The following AFF3 variants were observed in gnomAD, a reference collection of about 807,000 sequenced individuals.
AFF3 encodes ALF transcription elongation factor 3, also known as AF4/FMR2 family member 3.
Under a neutral mutation model 129.7 loss-of-function variants are expected in AFF3, and 32 were observed. The ratio of observed to expected loss-of-function variants is 0.25; its 90% confidence interval spans 0.19 to 0.33. The LOEUF is 0.33. Among genes scored for constraint, AFF3 ranks in the 10% least tolerant of loss-of-function variants. The probability of loss-of-function intolerance (pLI) is 1.00; values close to 1 mark genes in which losing one functional copy is unlikely to be tolerated. For missense variants in AFF3, 1,373 were observed against 1,592.0 expected (o/e 0.86, Z 2.34); for synonymous variants, 644 against 635.4 (o/e 1.01, Z -0.20).
At chr2:99,637,471 T>C (rs1683772801) in intron 13 of AFF3, among the ~76,000 whole-genome samples, 1 of 152,200 alleles carries the variant, frequency 6.6e-6, no homozygotes, top group Non-Finnish European at 1.5e-5. Context: ...TTGTTGCGTT[T>C]GGATTGCTTT....
At chr2:99,977,207 T>C (rs1217942090) in intron 7 of AFF3, among the ~76,000 whole-genome samples, 1 of 152,170 alleles carries the variant, frequency 6.6e-6, no homozygotes, top group African/African-American at 2.4e-5. Context: ...CGTGTGAATC[T>C]ATGGGTTTGA....
intron 13 of AFF3, among the ~76,000 whole-genome samples, chr2:99,631,683 C>T (rs1683131133): frequency 6.6e-6 from 1 of 152,196 alleles, no homozygotes; most frequent in African/African-American, 2.4e-5. Flanking sequence ...GTGGTAGAAT[C>T]TCCTTCTTTT....
chr2:99,618,296 C>T (rs141926312), intron 13 of AFF3, among the ~76,000 whole-genome samples: 2,708 of 124,782 alleles, frequency 0.022, 86 homozygotes, highest in African/African-American at 0.08. Context: ...AGTACAGTGG[C>T]GCTATCTTGG....
intron 16 of AFF3, among the ~76,000 whole-genome samples, chr2:99,584,436 T>G (rs1244797426): frequency 6.6e-6 from 1 of 152,220 alleles, no homozygotes; most frequent in Admixed American, 6.5e-5. Context: ...GCCACTGCAC[T>G]CCAGCATGGG....
intron 4 of AFF3, among the ~76,000 whole-genome samples, chr2:100,026,115 C>T (rs933885768): frequency 1.3e-5 from 2 of 152,078 alleles, no homozygotes; most frequent in Admixed American, 6.5e-5. Flanking sequence ...AACAGACAAC[C>T]CACAGAGTGG....
intron 7 of AFF3, among the ~76,000 whole-genome samples, chr2:99,916,405 C>A (rs953918042): frequency 6.6e-5 from 10 of 152,036 alleles, no homozygotes; most frequent in African/African-American, 2.4e-4. Flanking sequence ...GAATTTGAGC[C>A]CTGGGAGGTC....
intron 7 of AFF3, among the ~76,000 whole-genome samples, chr2:99,910,299 AT>A (rs1228591908): frequency 6.6e-6 from 1 of 152,194 alleles, no homozygotes. Context: ...GGTAGTTAGC[AT>A]TTTTATTGCT....
At chr2:99,654,232 C>T (rs12712054) in intron 12 of AFF3, among the ~76,000 whole-genome samples, 128,941 of 152,242 alleles carry the variant, frequency 0.85, 54,669 homozygotes, top group East Asian at 0.93. Context: ...AATTTGCAGT[C>T]ACTCTACATC....
At chr2:100,047,431 C>T (rs986723401) in intron 4 of AFF3, among the ~76,000 whole-genome samples, 6 of 152,190 alleles carry the variant, frequency 3.9e-5, no homozygotes, top group East Asian at 1.9e-4. Flanking sequence ...TTCCAGAACT[C>T]GGTAAATGCT....
At chr2:100,016,683 G>A (rs1185378274) in intron 4 of AFF3, among the ~76,000 whole-genome samples, 1 of 150,404 alleles carries the variant, frequency 6.6e-6, no homozygotes, top group Non-Finnish European at 1.5e-5. Context: ...GGTACTGGCA[G>A]TGATGGTGGT....
At chr2:99,864,068 A>G (rs747810591) in intron 7 of AFF3, among the ~76,000 whole-genome samples, 14 of 152,186 alleles carry the variant, frequency 9.2e-5, no homozygotes, top group Non-Finnish European at 1.6e-4. Context: ...ATTCACCACT[A>G]CTGGCAACAT....
intron 18 of AFF3, 62 bp downstream of exon 18, chr2:99,578,265 T>A (rs1260541612): frequency 2.7e-6 from 4 of 1,507,320 alleles, no homozygotes; most frequent in Non-Finnish European, 3.5e-6. Context: ...CCATGCCCCT[T>A]CCACCTGAGC....
intron 11 of AFF3, among the ~76,000 whole-genome samples, chr2:99,715,315 A>G (rs1678275230): frequency 6.6e-6 from 1 of 152,222 alleles, no homozygotes; most frequent in African/African-American, 2.4e-5. Context: ...GAAGAGAAAA[A>G]TTCTAGTAAA....
intron 1 of AFF3, among the ~76,000 whole-genome samples, chr2:100,142,167 C>T (rs956670523): frequency 2.6e-5 from 4 of 152,026 alleles, no homozygotes; most frequent in African/African-American, 9.7e-5. Flanking sequence ...TGTGTGTGAG[C>T]ATGTTCACAC....
At chr2:99,979,828 C>T (rs1191987829) in intron 7 of AFF3, among the ~76,000 whole-genome samples, 1 of 152,094 alleles carries the variant, frequency 6.6e-6, no homozygotes, top group Non-Finnish European at 1.5e-5. Context: ...TTCCCTAGTT[C>T]TACTATCTCT....
intron 8 of AFF3, among the ~76,000 whole-genome samples, chr2:99,803,114 G>C (rs775141320): frequency 6.6e-6 from 1 of 151,950 alleles, no homozygotes; most frequent in Non-Finnish European, 1.5e-5. Context: ...ATTATTTTGA[G>C]GTATGTTCCT....
At chr2:99,999,003 A>G (rs1004122512) in intron 7 of AFF3, among the ~76,000 whole-genome samples, 2 of 152,064 alleles carry the variant, frequency 1.3e-5, no homozygotes, top group Non-Finnish European at 2.9e-5. Context: ...TTCCCACATC[A>G]TCTTGTGGCC....
intron 7 of AFF3, among the ~76,000 whole-genome samples, chr2:99,994,382 T>C (rs1020409813): frequency 2.0e-5 from 3 of 152,174 alleles, no homozygotes; most frequent in Middle Eastern, 3.2e-3. Context: ...AGTGAGACAC[T>C]GTCATCTCTG....
intron 13 of AFF3, among the ~76,000 whole-genome samples, chr2:99,622,921 A>G (rs1228920248): frequency 1.3e-5 from 2 of 152,306 alleles, no homozygotes; most frequent in South Asian, 2.1e-4. Flanking sequence ...GCTCTGGTTC[A>G]TGTCTTTGAT....
Sources: allele counts gnomAD v4.1 joint callset (sites outside exome capture counted in the v4.1 genomes callset), GRCh38; gene constraint gnomAD v4.1.1; transcripts MANE v1.5; gene names NCBI Gene and HGNC (gene_info 2026-07-23, HGNC 2026-07-21).